Variants in RORA observed in about 807,000 individuals in gnomAD.
RORA encodes the protein nuclear receptor ROR-alpha.
RORA carries 7 observed loss-of-function variants against 69.5 expected under a neutral mutation model. The ratio of observed to expected loss-of-function variants is 0.10; its 90% CI spans 0.06 to 0.19. The LOEUF (loss-of-function observed/expected upper bound fraction) is 0.19, where lower values mean the gene tolerates loss of function less well. Ranked by LOEUF, RORA falls within the 10% of genes least tolerant of loss-of-function variation. The pLI, the probability that RORA is intolerant of heterozygous loss-of-function variation, is 1.00. For missense variants in RORA, 457 were observed against 663.0 expected (o/e 0.69, Z 3.41); for synonymous variants, 261 against 240.8 (o/e 1.08, Z -0.78).
chr15:61,219,443 C>T (rs1052772882), intron 1 of RORA, among the ~76,000 whole-genome samples: 19 of 152,148 alleles, frequency 1.2e-4, no homozygotes, highest in Non-Finnish European at 2.9e-5. Context: ...GGCGCGGTGG[C>T]TGGCGCCTAT....
chr15:61,077,927 C>A (rs1287515787), intron 1 of RORA, among the ~76,000 whole-genome samples: 2 of 152,146 alleles, frequency 1.3e-5, no homozygotes, highest in Non-Finnish European at 2.9e-5. Flanking sequence ...AGGCCCACCA[C>A]TTTTGTCTTC....
chr15:60,586,264 T>C (rs535385562), intron 2 of RORA, among the ~76,000 whole-genome samples: 1 of 152,354 alleles, frequency 6.6e-6, no homozygotes, highest in East Asian at 1.9e-4. Context: ...CTTTACTATG[T>C]GCTGGGTTAA....
chr15:61,184,448 C>T (rs28477635), intron 1 of RORA, among the ~76,000 whole-genome samples: 1,568 of 152,268 alleles, frequency 0.01, 32 homozygotes, highest in African/African-American at 0.036. Context: ...TAAGGAGAGT[C>T]TCTCTTTCCT....
chr15:61,173,757 G>T (rs545193883), intron 1 of RORA, among the ~76,000 whole-genome samples: 1 of 152,208 alleles, frequency 6.6e-6, no homozygotes, highest in Admixed American at 6.5e-5. Context: ...CCAGATTCAA[G>T]AGATCCTCAC....
intron 1 of RORA, among the ~76,000 whole-genome samples, chr15:60,883,848 G>A (rs1451444780): frequency 1.3e-5 from 2 of 152,196 alleles, no homozygotes; most frequent in Non-Finnish European, 2.9e-5. Flanking sequence ...CCCATTCCAC[G>A]ATGCAACTGA....
chr15:61,160,385 C>T (rs1231951780), intron 1 of RORA, among the ~76,000 whole-genome samples: 1 of 152,220 alleles, frequency 6.6e-6, no homozygotes, highest in African/African-American at 2.4e-5. Flanking sequence ...TGTTACATTA[C>T]ACATTTTCAC....
chr15:61,145,234 G>C (rs1302154559), intron 1 of RORA, among the ~76,000 whole-genome samples: 1 of 152,122 alleles, frequency 6.6e-6, no homozygotes, highest in Non-Finnish European at 1.5e-5. Flanking sequence ...TAACACTTTT[G>C]GAAAGGGAAC....
intron 1 of RORA, among the ~76,000 whole-genome samples, chr15:60,685,345 C>T (rs746944833): frequency 2.0e-5 from 3 of 152,198 alleles, no homozygotes; most frequent in Non-Finnish European, 2.9e-5. Flanking sequence ...GCAGTTAAAA[C>T]GGCAAATTTA....
At chr15:61,165,271 T>A (rs906443404) in intron 1 of RORA, among the ~76,000 whole-genome samples, 1 of 152,202 alleles carries the variant, frequency 6.6e-6, no homozygotes, top group African/African-American at 2.4e-5. Flanking sequence ...TTATTGTGGC[T>A]GCAACTCCAA....
chr15:60,944,887 C>T (rs1892821724), intron 1 of RORA, among the ~76,000 whole-genome samples: 1 of 152,170 alleles, frequency 6.6e-6, no homozygotes, highest in African/African-American at 2.4e-5. Context: ...CGTGGTCTGA[C>T]TTCCCACTGA....
intron 1 of RORA, among the ~76,000 whole-genome samples, chr15:60,945,110 A>C (rs933135808): frequency 1.3e-5 from 2 of 152,170 alleles, no homozygotes; most frequent in Admixed American, 6.5e-5. Context: ...TACCCAGCAA[A>C]TCCAGCAATA....
chr15:60,900,701 G>T (rs769963595), intron 1 of RORA, among the ~76,000 whole-genome samples: 1 of 151,932 alleles, frequency 6.6e-6, no homozygotes, highest in African/African-American at 2.4e-5. Flanking sequence ...GTGAAACCCC[G>T]TCTCTACTAA....
At chr15:61,073,873 C>T (rs1482230555) in intron 1 of RORA, among the ~76,000 whole-genome samples, 1 of 152,196 alleles carries the variant, frequency 6.6e-6, no homozygotes, top group Non-Finnish European at 1.5e-5. Context: ...GAATCAATTG[C>T]TAAATTTCAA....
intron 1 of RORA, among the ~76,000 whole-genome samples, chr15:60,994,187 T>G (rs1270072120): frequency 6.6e-6 from 1 of 152,240 alleles, no homozygotes; most frequent in African/African-American, 2.4e-5. Flanking sequence ...GTGTGGCATT[T>G]ATTTATTTTT....
rs75781667 is a variant in RORA at position 61,053,611 on chromosome 15, G to C, written c.166+175442C>G. Among the ~76,000 whole-genome samples the C allele has an allele frequency of 3.1e-3, 464 of 152,070 alleles. 1 individual carries two copies. Among genetic ancestry groups the C allele is most frequent in the African/African-American group, 0.011 (441 of 41,478 alleles). ...GGATCTGGATCTGGTGTCCAGGGAA[G>C]AGCAAAGACCAGGAGAAAGAGGTAG... On this transcript the variant is annotated intron_variant, in intron 1 of 10. Transcript: ENST00000335670.
At chr15:60,578,909 G>A (rs546041905) in intron 2 of RORA, among the ~76,000 whole-genome samples, 32 of 151,636 alleles carry the variant, frequency 2.1e-4, no homozygotes, top group Non-Finnish European at 4.1e-4. Context: ...GACTACAGGC[G>A]CCCGCCACCA....
At chr15:60,607,746 A>C (rs937656569) in intron 2 of RORA, among the ~76,000 whole-genome samples, 2 of 152,224 alleles carry the variant, frequency 1.3e-5, no homozygotes, top group Non-Finnish European at 2.9e-5. Flanking sequence ...TTATTTATAC[A>C]TCATTCTGTG....
At chr15:60,822,012 CA>C (rs141628003) in intron 1 of RORA, among the ~76,000 whole-genome samples, 54,467 of 151,966 alleles carry the variant, frequency 0.36, 11,242 homozygotes, top group Non-Finnish European at 0.46. Flanking sequence ...TTCACAGAAG[CA>C]CGGAATTTTA....
At chr15:60,593,724 TCTGC>T (rs1222852635) in intron 2 of RORA, among the ~76,000 whole-genome samples, 1 of 152,230 alleles carries the variant, frequency 6.6e-6, no homozygotes, top group Non-Finnish European at 1.5e-5. Flanking sequence ...GAAATTTCAT[TCTGC>T]TTGCTTTTCT....
Sources: allele counts gnomAD v4.1 joint callset (sites outside exome capture counted in the v4.1 genomes callset), GRCh38; gene constraint gnomAD v4.1.1; transcripts MANE v1.5; gene names NCBI Gene and HGNC (gene_info 2026-07-23, HGNC 2026-07-21).